EPM2A: variants seen among roughly 807,000 people sequenced by gnomAD.
EPM2A encodes EPM2A glucan phosphatase, laforin.
In EPM2A, 21 loss-of-function variants were observed where a neutral mutation model predicts 26.5. The ratio of observed to expected loss-of-function variants is 0.79; its 90% CI spans 0.56 to 1.14. The LOEUF is 1.14. Among genes scored for constraint, EPM2A ranks in the 50% most tolerant of loss-of-function variants. The pLI is 0.00. For missense variants in EPM2A, 458 were observed against 440.8 expected (o/e 1.04, Z -0.35); for synonymous variants, 217 against 177.6 (o/e 1.22, Z -1.76).
intron 2 of EPM2A, among the ~76,000 whole-genome samples, chr6:145,521,327 A>T (rs1389451446): frequency 6.6e-6 from 1 of 152,224 alleles, no homozygotes; most frequent in Non-Finnish European, 1.5e-5. Context: ...AGCATAAAAG[A>T]AGACATATTA....
In EPM2A at chr6:145,625,743, T is replaced by C; in HGVS notation, c.*1673A>G. 1 of 971,150 alleles carries C rather than the reference T, an allele frequency of 1.0e-6. No homozygotes were observed. Among genetic ancestry groups the C allele is most frequent in the Non-Finnish European group, 1.7e-6 (1 of 594,978 alleles). 60.2% of individuals were successfully genotyped at this position (971,150 alleles called of 1,614,324 possible). On this transcript the variant is annotated 3_prime_UTR_variant, in exon 4 of 4. Coordinates refer to ENST00000367519, the MANE Select transcript of EPM2A (RefSeq NM_005670.4). ...TAGCTGCCTCTGCCCAAAGCAAATG[T>C]CATCTCCCCTAAGTGCCACAGTTCT...
At chr6:145,540,816 A>G (rs559433729) in intron 2 of EPM2A, among the ~76,000 whole-genome samples, 2 of 152,308 alleles carry the variant, frequency 1.3e-5, no homozygotes, top group Admixed American at 1.3e-4. Flanking sequence ...TACTTAGAGG[A>G]CAGGTGTATA....
intron 2 of EPM2A, among the ~76,000 whole-genome samples, chr6:145,516,557 C>A (rs1356845747): frequency 1.3e-5 from 2 of 152,114 alleles, no homozygotes; most frequent in African/African-American, 4.8e-5. Flanking sequence ...ACAGCAGAGC[C>A]GTGAGACTAT....
At chr6:145,423,356 G>A (rs954958002) in intron 4 of EPM2A, among the ~76,000 whole-genome samples, 6 of 152,016 alleles carry the variant, frequency 3.9e-5, no homozygotes, top group African/African-American at 1.5e-4. Context: ...GTTGTTTTAC[G>A]CAGATTTTGA....
chr6:145,664,672 A>G (rs890191329), intron 2 of EPM2A, among the ~76,000 whole-genome samples: 5 of 152,168 alleles, frequency 3.3e-5, no homozygotes, highest in Non-Finnish European at 7.3e-5. Flanking sequence ...CCTAATCGAC[A>G]TCTACAGAAC....
In EPM2A at chr6:145,675,160, C is replaced by A. The variant is rs139046675; in HGVS notation, c.476+10962G>T. Among the ~76,000 whole-genome samples the A allele has an allele frequency of 4.1e-3, 624 of 152,246 alleles. 17 individuals are homozygous for A. In the East Asian group the frequency reaches 0.069, roughly 17 times the overall value. ...ATTCTTAAAGAAAATAATTTTCAAC[C>A]CAGAATTTCATTTCCACCCAAACTA... On this transcript the variant is annotated intron_variant, in intron 2 of 3. Transcript: ENST00000367519.
chr6:145,555,069 G>A (rs1780710229), intron 2 of EPM2A, among the ~76,000 whole-genome samples: 1 of 152,076 alleles, frequency 6.6e-6, no homozygotes, highest in Non-Finnish European at 1.5e-5. Flanking sequence ...TAGCTAAGTT[G>A]ACACATAAAA....
intron 1 of EPM2A, chr6:145,705,915 T>C (rs1292083910): frequency 2.2e-6 from 1 of 456,830 alleles, no homozygotes; most frequent in Non-Finnish European, 4.4e-6. Context: ...CAAGGAAAGA[T>C]GGTGCTGGGT....
rs547154941 is a variant in EPM2A, at chr6:145,550,379, C to A, written c.341-47804G>T. Among the ~76,000 whole-genome samples the A allele has an allele frequency of 2.6e-5, 4 of 152,126 alleles. No homozygotes were observed. In the East Asian group the frequency reaches 5.8e-4, roughly 22 times the overall value. ...CTCTCCTATGAAAAGGGGATATAAG[C>A]TTTTATACCTCACCGGGTTTGGGGG... On this transcript the variant is annotated intron_variant, in intron 2 of 3. Coordinates refer to the EPM2A transcript ENST00000450221.
At chr6:145,488,861 C>A (rs1446658633) in intron 4 of EPM2A, among the ~76,000 whole-genome samples, 1 of 152,070 alleles carries the variant, frequency 6.6e-6, no homozygotes, top group African/African-American at 2.4e-5. Flanking sequence ...TTGAAATTGG[C>A]ACTTCGGCTG....
intron 1 of EPM2A, among the ~76,000 whole-genome samples, chr6:145,715,906 G>A (rs528679835): frequency 1.3e-5 from 2 of 152,180 alleles, no homozygotes; most frequent in South Asian, 4.1e-4. Flanking sequence ...ATATTACAAT[G>A]GAATAATAAT....
intron 4 of EPM2A, among the ~76,000 whole-genome samples, chr6:145,473,481 G>A (rs977924421): frequency 2.6e-5 from 4 of 152,044 alleles, no homozygotes; most frequent in African/African-American, 9.7e-5. Flanking sequence ...GAAAAAGATA[G>A]AGGTAGAAAG....
intron 1 of EPM2A, among the ~76,000 whole-genome samples, chr6:145,712,018 T>G (rs1300378523): frequency 6.6e-6 from 1 of 152,140 alleles, no homozygotes; most frequent in Non-Finnish European, 1.5e-5. Flanking sequence ...GCAACATGAA[T>G]TCTGCTTAAA....
At position 145,461,688 on chromosome 6, in the gene EPM2A, A is replaced by AC. The variant is rs369481297; in HGVS notation, c.555+40833dup. ...AAAAATAAATAAAGTCTCTGAAAAG[A>AC]CCAACAGAAGAGATGGTGAGTGCAA... On this transcript the variant is annotated intron_variant, in intron 4 of 4. Transcript: ENST00000638717. 2.2e-3 allele frequency among the ~76,000 whole-genome samples: 330 copies of AC among 152,282 alleles called. 4 individuals are homozygous for AC. Among genetic ancestry groups the AC allele is most frequent in the African/African-American group, 7.7e-3 (320 of 41,570 alleles).
chr6:145,635,543 G>A, intron 2 of EPM2A, 57 bp from the exon 3 acceptor site: 1 of 1,560,104 alleles, frequency 6.4e-7, no homozygotes, highest in Non-Finnish European at 8.8e-7. Context: ...TGAGGTTTAA[G>A]GAGCTGCATA....
intron 2 of EPM2A, among the ~76,000 whole-genome samples, chr6:145,562,917 G>A (rs747379110): frequency 4.0e-5 from 6 of 151,228 alleles, no homozygotes; most frequent in Non-Finnish European, 7.4e-5. Context: ...GAGGGGGTGT[G>A]TCTTCTGCTT....
At chr6:145,596,379 T>C (rs541316519) in intron 2 of EPM2A, among the ~76,000 whole-genome samples, 1 of 152,312 alleles carries the variant, frequency 6.6e-6, no homozygotes, top group East Asian at 1.9e-4. Flanking sequence ...ACAATATGCA[T>C]CTAATACATA....
At chr6:145,614,131 C>T (rs1279648133) in intron 2 of EPM2A, among the ~76,000 whole-genome samples, 1 of 152,238 alleles carries the variant, frequency 6.6e-6, no homozygotes, top group Non-Finnish European at 1.5e-5. Context: ...TATATCAGCA[C>T]TTGCTGTTTC....
intron 4 of EPM2A, among the ~76,000 whole-genome samples, chr6:145,425,723 G>A (rs1468894292): frequency 6.6e-6 from 1 of 152,028 alleles, no homozygotes; most frequent in African/African-American, 2.4e-5. Context: ...TTCAGGCTGT[G>A]GTTTGATTCT....
Sources: gnomAD v4.1 joint callset for allele counts (sites outside exome capture counted in the v4.1 genomes callset) on GRCh38, gnomAD v4.1.1 for gene constraint, MANE v1.5 for transcripts, NCBI Gene and HGNC (gene_info 2026-07-23, HGNC 2026-07-21) for gene names.